Variants in ARFGEF1 observed in about 807,000 individuals in gnomAD.
ARFGEF1 encodes ARF guanine nucleotide exchange factor 1.
ARFGEF1 carries 42 observed loss-of-function variants against 231.0 expected under a neutral mutation model. The ratio of observed to expected loss-of-function variants is 0.18; its 90% confidence interval spans 0.14 to 0.24. The LOEUF (loss-of-function observed/expected upper bound fraction) is 0.24. Among genes scored for constraint, ARFGEF1 ranks in the 10% least tolerant of loss-of-function variants. The pLI, the probability that ARFGEF1 is intolerant of heterozygous loss-of-function variation, is 1.00. For synonymous variants in ARFGEF1, 710 were observed against 732.3 expected (o/e 0.97, Z 0.49); for missense variants, 1,345 against 2,192.0 (o/e 0.61, Z 7.72).
intron 17 of ARFGEF1, among the ~76,000 whole-genome samples, chr8:67,254,879 T>C (rs1206717958): frequency 1.3e-5 from 2 of 151,726 alleles, no homozygotes; most frequent in Admixed American, 6.6e-5. Flanking sequence ...CTTATAACTT[T>C]AAAAACTCAA....
At chr8:67,327,903 T>C (rs1807912217) in intron 1 of ARFGEF1, among the ~76,000 whole-genome samples, 1 of 152,220 alleles carries the variant, frequency 6.6e-6, no homozygotes, top group Admixed American at 6.5e-5. Flanking sequence ...AATCCTATAT[T>C]GTTGACTACT....
chr8:67,249,442 T>C (rs1421472584), intron 19 of ARFGEF1, among the ~76,000 whole-genome samples: 1 of 149,674 alleles, frequency 6.7e-6, no homozygotes, highest in Non-Finnish European at 1.5e-5. Flanking sequence ...TGAGACATAA[T>C]CCCATCGTAA....
chr8:67,341,247 AC>A (rs1808613007), intron 1 of ARFGEF1, among the ~76,000 whole-genome samples: 2 of 152,120 alleles, frequency 1.3e-5, no homozygotes, highest in African/African-American at 4.8e-5. Context: ...TTTGATACTT[AC>A]AATTTAATGT....
chr8:67,174,397 T>C (rs1831118602), downstream of ARFGEF1: 1 of 152,104 alleles, frequency 6.6e-6, no homozygotes, highest in African/African-American at 2.4e-5. Context: ...GTGTAATTAG[T>C]GAGTCAAAGG....
intron 4 of ARFGEF1, among the ~76,000 whole-genome samples, chr8:67,298,830 G>C (rs543173634): frequency 6.6e-6 from 1 of 152,236 alleles, no homozygotes; most frequent in Non-Finnish European, 1.5e-5. Flanking sequence ...CAGTGGCATG[G>C]TCTTGGCTCA....
chr8:67,340,297 A>G (rs1265346859), intron 1 of ARFGEF1, among the ~76,000 whole-genome samples: 1 of 152,210 alleles, frequency 6.6e-6, no homozygotes, highest in Non-Finnish European at 1.5e-5. Context: ...GGTATTTAGA[A>G]GGGTTATAAC....
chr8:67,302,905 T>TAAAAAAAA lies in ARFGEF1; in HGVS notation c.125-440_125-439insTTTTTTTT, dbSNP rs1563902346. ...GCCTGGGCAACAAAGACCCCATCTC[T>TAAAAAAAA]TAAAAAAAAAAAAAAAAAAAAAAAA... On this transcript the variant is annotated intron_variant, in intron 1 of 38. Coordinates refer to ENST00000262215, the MANE Select transcript of ARFGEF1 (RefSeq NM_006421.5). 1.9e-3 allele frequency among the ~76,000 whole-genome samples: 194 copies of TAAAAAAAA among 100,228 alleles called. 3 individuals are homozygous for TAAAAAAAA. Among genetic ancestry groups the TAAAAAAAA allele is most frequent in the African/African-American group, 7.3e-3 (188 of 25,862 alleles). 65.8% of individuals were successfully genotyped at this position (100,228 alleles called of 152,430 possible). A position where few individuals can be genotyped will look rare whatever the true frequency, so the allele number is the denominator to read the frequency against.
At chr8:67,206,549 T>C (rs1182410344) in intron 34 of ARFGEF1, among the ~76,000 whole-genome samples, 2 of 152,178 alleles carry the variant, frequency 1.3e-5, no homozygotes, top group Admixed American at 6.5e-5. Flanking sequence ...AACACATTTG[T>C]TCAACAGGGC....
chr8:67,281,393 T>G (rs1359899580), intron 7 of ARFGEF1, among the ~76,000 whole-genome samples: 2 of 152,088 alleles, frequency 1.3e-5, no homozygotes, highest in South Asian at 2.1e-4. Context: ...TTCATACCCA[T>G]GCACACACAG....
chr8:67,300,964 G>C (rs968423052), intron 3 of ARFGEF1, among the ~76,000 whole-genome samples: 2 of 152,128 alleles, frequency 1.3e-5, no homozygotes, highest in Non-Finnish European at 1.5e-5. Flanking sequence ...GATGAGAAGA[G>C]ACCAAATCAA....
chr8:67,326,470 A>C (rs1345712256), intron 1 of ARFGEF1, among the ~76,000 whole-genome samples: 2 of 152,228 alleles, frequency 1.3e-5, no homozygotes, highest in African/African-American at 4.8e-5. Flanking sequence ...AGAAGGCCTA[A>C]ATGGATACAT....
intron 15 of ARFGEF1, 29 bp from the exon 16 acceptor site, chr8:67,258,319 T>C (rs765708830): frequency 2.1e-6 from 3 of 1,446,882 alleles, no homozygotes; most frequent in Admixed American, 1.9e-5. Context: ...TAGAAATTGA[T>C]ATTTTCTTTC....
chr8:67,239,067 C>T (rs1040834800), intron 20 of ARFGEF1, among the ~76,000 whole-genome samples, 174 bp from the exon 21 acceptor site: 2 of 151,606 alleles, frequency 1.3e-5, no homozygotes, highest in African/African-American at 2.4e-5. Flanking sequence ...GGTTCAATGG[C>T]GCAATCTCGG....
At chr8:67,255,984 T>C (rs1587143961) in intron 17 of ARFGEF1, among the ~76,000 whole-genome samples, 1 of 152,378 alleles carries the variant, frequency 6.6e-6, no homozygotes, top group Admixed American at 6.5e-5. Context: ...TAGGAAGACA[T>C]TGCACAGGTG....
intron 5 of ARFGEF1, among the ~76,000 whole-genome samples, chr8:67,180,314 C>G (rs1227161437): frequency 6.6e-6 from 1 of 152,134 alleles, no homozygotes; most frequent in Non-Finnish European, 1.5e-5. Context: ...GGGAAATAGT[C>G]TGAGCAAAAA....
intron 29 of ARFGEF1, among the ~76,000 whole-genome samples, chr8:67,223,051 T>C (rs562824456): frequency 7.2e-5 from 11 of 152,246 alleles, no homozygotes; most frequent in Non-Finnish European, 1.5e-4. Context: ...TACTAATGCA[T>C]TGCAGAGAAC....
At chr8:67,299,073 T>C (rs1024038945) in intron 4 of ARFGEF1, 136 bp downstream of exon 4, 1 of 864,472 alleles carries the variant, frequency 1.2e-6, no homozygotes, top group Non-Finnish European at 1.6e-6. Flanking sequence ...CATGAGCCAC[T>C]GAGCCCGGCC....
intron 5 of ARFGEF1, 23 bp from the exon 6 acceptor site, chr8:67,292,146 A>G (rs749768877): frequency 2.6e-5 from 42 of 1,594,186 alleles, no homozygotes; most frequent in Non-Finnish European, 2.7e-5. Context: ...AAAATTTCCA[A>G]TATTAGTAAA....
chr8:67,254,795 C>T (rs187356540), intron 17 of ARFGEF1, among the ~76,000 whole-genome samples: 4 of 151,832 alleles, frequency 2.6e-5, no homozygotes, highest in African/African-American at 7.3e-5. Flanking sequence ...GCTTTCCCTA[C>T]AAATATGTAA....
Sources: gnomAD v4.1 joint callset for allele counts (sites outside exome capture counted in the v4.1 genomes callset) on GRCh38, gnomAD v4.1.1 for gene constraint, MANE v1.5 for transcripts, NCBI Gene and HGNC (gene_info 2026-07-23, HGNC 2026-07-21) for gene names.